The following PLXDC2 variants were observed in gnomAD, a reference collection of about 807,000 sequenced individuals.
The protein encoded by PLXDC2 is plexin domain-containing protein 2.
In PLXDC2, 40 loss-of-function variants were observed where a neutral mutation model predicts 68.9. That is an observed-to-expected ratio of 0.58 (90% confidence interval 0.45 to 0.76). PLXDC2 has a LOEUF of 0.76. Ranked by LOEUF, PLXDC2 falls within the 30% of genes least tolerant of loss-of-function variation. The probability of loss-of-function intolerance (pLI) is 0.00; values close to 1 mark genes in which losing one functional copy is unlikely to be tolerated. For missense variants in PLXDC2, 644 were observed against 661.9 expected (o/e 0.97, Z 0.30); for synonymous variants, 243 against 234.2 (o/e 1.04, Z -0.34).
At chr10:19,853,376 T>G (rs755870400) in intron 1 of PLXDC2, among the ~76,000 whole-genome samples, 4 of 152,090 alleles carry the variant, frequency 2.6e-5, no homozygotes, top group Non-Finnish European at 4.4e-5. Context: ...ATTTCTTCCT[T>G]CTGTTTCTCC....
At chr10:20,065,202 G>A (rs1212926350) in intron 3 of PLXDC2, among the ~76,000 whole-genome samples, 2 of 152,214 alleles carry the variant, frequency 1.3e-5, no homozygotes, top group Admixed American at 6.5e-5. Context: ...GGGATGTCAT[G>A]TGTATGTACC....
intron 1 of PLXDC2, among the ~76,000 whole-genome samples, chr10:19,987,016 T>A (rs1674230065): frequency 6.6e-6 from 1 of 152,196 alleles, no homozygotes; most frequent in African/African-American, 2.4e-5. Flanking sequence ...AAGGAAGATA[T>A]GTATTTCACT....
intron 1 of PLXDC2, among the ~76,000 whole-genome samples, chr10:19,831,593 C>T (rs552254300): frequency 6.6e-5 from 10 of 152,250 alleles, no homozygotes; most frequent in Admixed American, 2.6e-4. Flanking sequence ...TCCCACTCTC[C>T]GCCCTCAGAT....
At chr10:19,926,618 ATTG>A (rs927980412) in intron 1 of PLXDC2, among the ~76,000 whole-genome samples, 1 of 152,002 alleles carries the variant, frequency 6.6e-6, no homozygotes, top group African/African-American at 2.4e-5. Flanking sequence ...ATTTTTTCCC[ATTG>A]TTCTCATATT....
At position 20,217,457 on chromosome 10, in the gene PLXDC2, C is replaced by G. The variant is rs1166727175; in HGVS notation, c.1154C>G (p.Pro385Arg). The G allele has an allele frequency of 1.9e-5, 31 of 1,612,402 alleles. No individual in the cohort carries two copies. Among genetic ancestry groups the G allele is most frequent in the Non-Finnish European group, 2.4e-5 (28 of 1,179,060 alleles). ...GAGAAGATGTGTGAGAATACAGAACCAGTGGAAACTTCTTCTCGAACCACC... is the reference window on the plus strand; with the variant it reads ...GAGAAGATGTGTGAGAATACAGAACGAGTGGAAACTTCTTCTCGAACCACC... ...SKEKMCENTE[P>R]VETSSRTTTT... The change falls in exon 11 of 14, where the codon CCA (proline) becomes CGA (arginine). Residue 385 changes from proline to arginine, a missense_variant. By Grantham distance (103) the Pro-to-Arg change is moderately radical. Around this residue, in one of 3 missense-constraint regions of PLXDC2, gnomAD observed 330 missense variants for 327.9 expected, o/e 1.01. Coordinates refer to ENST00000377252, the MANE Select transcript of PLXDC2 (RefSeq NM_032812.9).
chr10:20,060,532 G>T (rs541144766), intron 3 of PLXDC2, among the ~76,000 whole-genome samples: 1 of 151,434 alleles, frequency 6.6e-6, no homozygotes, highest in Non-Finnish European at 1.5e-5. Flanking sequence ...TGGGCTGGTC[G>T]CTGGGCGAGC....
At chr10:19,834,354 A>AGT (rs113725002) in intron 1 of PLXDC2, among the ~76,000 whole-genome samples, 2,024 of 147,692 alleles carry the variant, frequency 0.014, 42 homozygotes, top group East Asian at 0.048. Context: ...AGAGAGAGAG[A>AGT]GTGTGTGTGT....
At chr10:20,073,521 A>G in intron 4 of PLXDC2, among the ~76,000 whole-genome samples, 1 of 152,202 alleles carries the variant, frequency 6.6e-6, no homozygotes, top group East Asian at 1.9e-4. Flanking sequence ...TCATTTATAA[A>G]CTATAAAAAT....
intron 9 of PLXDC2, among the ~76,000 whole-genome samples, chr10:20,199,629 T>C: frequency 6.6e-6 from 1 of 152,012 alleles, no homozygotes; most frequent in East Asian, 1.9e-4. Context: ...GAATATTTAA[T>C]GAGGCACTTG....
chr10:19,856,566 A>G (rs1025011813), intron 1 of PLXDC2, among the ~76,000 whole-genome samples: 31 of 152,166 alleles, frequency 2.0e-4, no homozygotes, highest in African/African-American at 7.2e-4. Flanking sequence ...TTAGTCAATC[A>G]CTGTAAGCGC....
chr10:20,251,728 C>T (rs531499957), intron 13 of PLXDC2, among the ~76,000 whole-genome samples: 18 of 152,080 alleles, frequency 1.2e-4, no homozygotes, highest in Admixed American at 7.2e-4. Context: ...TGGACTATAA[C>T]GAAATAGTTT....
intron 10 of PLXDC2, 38 bp downstream of exon 10, chr10:20,211,767 G>C (rs750393411): frequency 5.0e-6 from 8 of 1,586,898 alleles, no homozygotes; most frequent in Admixed American, 3.4e-5. Context: ...CTGGGACCAA[G>C]CTGTCATATA....
At chr10:19,897,402 G>A (rs375997050) in intron 1 of PLXDC2, among the ~76,000 whole-genome samples, 5 of 152,166 alleles carry the variant, frequency 3.3e-5, no homozygotes, top group African/African-American at 1.2e-4. Context: ...ACCATGCCTG[G>A]CTAGTTTTGT....
At chr10:20,189,037 C>T (rs1834724027) in intron 9 of PLXDC2, among the ~76,000 whole-genome samples, 2 of 75,316 alleles carry the variant, frequency 2.7e-5, no homozygotes, top group Non-Finnish European at 4.7e-5. Context: ...AATGAAGAAT[C>T]TTCGCTTTTC....
intron 4 of PLXDC2, among the ~76,000 whole-genome samples, chr10:20,126,859 A>G (rs2358846): frequency 0.63 from 79,204 of 124,802 alleles, 26,941 homozygotes; most frequent in Middle Eastern, 0.7. Flanking sequence ...CATATATGTT[A>G]TGTATGTATA....
At chr10:19,874,305 A>T (rs1443325412) in intron 1 of PLXDC2, among the ~76,000 whole-genome samples, 1 of 152,162 alleles carries the variant, frequency 6.6e-6, no homozygotes, top group Non-Finnish European at 1.5e-5. Flanking sequence ...AATTTCTATT[A>T]GGCAGACATG....
intron 2 of PLXDC2, among the ~76,000 whole-genome samples, chr10:20,026,173 C>T (rs1835399046): frequency 8.0e-6 from 1 of 125,190 alleles, no homozygotes; most frequent in African/African-American, 2.5e-5. Context: ...TTTAATTAAA[C>T]TTAATGCCTA....
In PLXDC2 at chr10:19,830,299, T is replaced by C. The variant is rs546429271; in HGVS notation, c.112+13108T>C. On this transcript the variant is annotated intron_variant, in intron 1 of 13. Coordinates refer to ENST00000377252, the MANE Select transcript of PLXDC2 (RefSeq NM_032812.9). Reference sequence around the variant, plus strand: ...TCAATACAATCTCTTAGTACCACACTCAGGGACTTGAGTTAACTCTTTTCA... The same window carrying C: ...TCAATACAATCTCTTAGTACCACACCCAGGGACTTGAGTTAACTCTTTTCA... Among the ~76,000 whole-genome samples, 5 of 152,334 alleles carry C rather than the reference T, an allele frequency of 3.3e-5. No homozygotes were observed. The South Asian group carries it at 1.0e-3, about 32-fold the overall frequency.
At chr10:20,221,123 G>A (rs978884771) in intron 12 of PLXDC2, among the ~76,000 whole-genome samples, 30 of 149,414 alleles carry the variant, frequency 2.0e-4, no homozygotes, top group South Asian at 4.2e-4. Flanking sequence ...GATTACAAGC[G>A]TGAGCCACCA....
Sources: allele counts gnomAD v4.1 joint callset (sites outside exome capture counted in the v4.1 genomes callset), GRCh38; gene constraint gnomAD v4.1.1; regional missense constraint gnomAD v4.1.1; transcripts MANE v1.5; gene names NCBI Gene and HGNC (gene_info 2026-07-23, HGNC 2026-07-21).